ATRNL1: variants seen among roughly 807,000 people sequenced by gnomAD.
The protein encoded by ATRNL1 is attractin-like protein 1.
In ATRNL1, 95 loss-of-function variants were observed where a neutral mutation model predicts 182.7. The observed-to-expected ratio is 0.52, with a 90% CI of 0.44 to 0.62. The LOEUF (loss-of-function observed/expected upper bound fraction) is 0.62, where lower values mean the gene tolerates loss of function less well. Among genes scored for constraint, ATRNL1 ranks in the 20% least tolerant of loss-of-function variants. ATRNL1 has a pLI of 0.00. For missense variants in ATRNL1, 1,471 were observed against 1,679.5 expected (o/e 0.88, Z 2.17); for synonymous variants, 576 against 568.3 (o/e 1.01, Z -0.19).
intron 26 of ATRNL1, among the ~76,000 whole-genome samples, chr10:115,686,364 C>A (rs1946220129): frequency 6.6e-6 from 1 of 151,972 alleles, no homozygotes; most frequent in African/African-American, 2.4e-5. Flanking sequence ...CTCACCATTT[C>A]TTGAGCTACA....
intron 20 of ATRNL1, among the ~76,000 whole-genome samples, chr10:115,418,915 C>T (rs535120068): frequency 1.4e-4 from 21 of 152,070 alleles, no homozygotes; most frequent in Non-Finnish European, 2.5e-4. Context: ...GAATTAATGG[C>T]CACCAGACCA....
chr10:115,162,765 A>G (rs960175923), intron 6 of ATRNL1, among the ~76,000 whole-genome samples: 5 of 151,228 alleles, frequency 3.3e-5, no homozygotes, highest in Non-Finnish European at 5.9e-5. Flanking sequence ...AGGGGAAGCC[A>G]TCAAAGGAGA....
At chr10:115,529,507 CT>C in intron 25 of ATRNL1, among the ~76,000 whole-genome samples, 1 of 104,002 alleles carries the variant, frequency 9.6e-6, no homozygotes, top group Non-Finnish European at 2.6e-5. Flanking sequence ...GAATGAGCTT[CT>C]TATTAATTGA....
chr10:115,940,760 C>A (rs1039303783), intron 28 of ATRNL1, among the ~76,000 whole-genome samples: 44 of 151,750 alleles, frequency 2.9e-4, no homozygotes, highest in African/African-American at 9.7e-4. Context: ...AAGATAGGGG[C>A]TTTGTCTCTT....
intron 26 of ATRNL1, among the ~76,000 whole-genome samples, chr10:115,560,027 A>T (rs182055152): frequency 6.6e-6 from 1 of 152,340 alleles, no homozygotes; most frequent in Admixed American, 6.5e-5. Flanking sequence ...CTAATACACA[A>T]TTTTAGCAAG....
intron 5 of ATRNL1, among the ~76,000 whole-genome samples, chr10:115,153,569 AT>A (rs1846352521): frequency 6.6e-6 from 1 of 152,022 alleles, no homozygotes; most frequent in Non-Finnish European, 1.5e-5. Flanking sequence ...CCCCTTTATC[AT>A]TTTTTATTGC....
At chr10:115,449,770 G>A (rs782720100) in intron 21 of ATRNL1, among the ~76,000 whole-genome samples, 1 of 152,176 alleles carries the variant, frequency 6.6e-6, no homozygotes, top group Non-Finnish European at 1.5e-5. Flanking sequence ...TGAGACCCAT[G>A]AAGGGTCAGG....
At chr10:115,877,139 G>A (rs375344853) in intron 28 of ATRNL1, among the ~76,000 whole-genome samples, 2 of 152,172 alleles carry the variant, frequency 1.3e-5, no homozygotes, top group East Asian at 3.8e-4. Context: ...TTAGAAGCAC[G>A]AGAACAAAAT....
At position 115,944,760 on chromosome 10, in the gene ATRNL1, G is replaced by C; in HGVS notation, c.4121G>C (p.Arg1374Pro). The change falls in exon 29 of 29, where the codon CGT (arginine) becomes CCT (proline). Residue 1374 changes from arginine to proline, a missense_variant. Around this residue, in one of 3 missense-constraint regions of ATRNL1, gnomAD observed 437 missense variants for 506.0 expected, o/e 0.86. Coordinates refer to ENST00000355044, the MANE Select transcript of ATRNL1 (RefSeq NM_207303.4). ...GVRNRKHLST[R>P]QGTCV ...CGGAATCGAAAACACCTTTCAACAC[G>C]TCAAGGAACTTGTGTCTGAGAAATG... The C allele has an allele frequency of 6.2e-7, 1 of 1,613,214 alleles. No homozygotes were observed. Among genetic ancestry groups the C allele is most frequent in the Non-Finnish European group, 8.5e-7 (1 of 1,179,498 alleles).
intron 14 of ATRNL1, among the ~76,000 whole-genome samples, chr10:115,283,513 C>T (rs1301899896): frequency 1.3e-5 from 2 of 152,026 alleles, no homozygotes; most frequent in East Asian, 1.9e-4. Flanking sequence ...TTAAACAGTG[C>T]GATGTGCATG....
intron 28 of ATRNL1, among the ~76,000 whole-genome samples, chr10:115,869,562 C>T (rs1474963325): frequency 6.6e-6 from 1 of 152,008 alleles, no homozygotes; most frequent in East Asian, 1.9e-4. Context: ...TGTTCATTTC[C>T]ACTCATCTCC....
chr10:115,713,700 TCTATCATCTATCTATC>T (rs201135655), intron 26 of ATRNL1, among the ~76,000 whole-genome samples: 37 of 130,630 alleles, frequency 2.8e-4, no homozygotes, highest in East Asian at 1.0e-3. Context: ...TATCTATCTA[TCTATCATCTATCTATC>T]TATCTATCTA....
chr10:115,263,631 T>C (rs1360246979), intron 10 of ATRNL1, among the ~76,000 whole-genome samples: 5 of 151,802 alleles, frequency 3.3e-5, no homozygotes, highest in Non-Finnish European at 7.4e-5. Flanking sequence ...TTTGGAACTT[T>C]TATGTGTACT....
At chr10:115,360,110 G>A (rs187608454) in intron 19 of ATRNL1, among the ~76,000 whole-genome samples, 46 of 151,272 alleles carry the variant, frequency 3.0e-4, no homozygotes, top group African/African-American at 1.1e-3. Flanking sequence ...TGGAATAATC[G>A]TTTATTTCAT....
chr10:115,153,786 C>T (rs1318244192), intron 5 of ATRNL1, among the ~76,000 whole-genome samples: 2 of 151,966 alleles, frequency 1.3e-5, no homozygotes, highest in African/African-American at 4.8e-5. Flanking sequence ...GCTCTTGCTT[C>T]TCTAGTTCTT....
rs180713584 is a variant in ATRNL1, at chr10:115,175,974, G to C, written c.1348+4682G>C. Among the ~76,000 whole-genome samples the C allele has an allele frequency of 8.6e-3, 1,315 of 152,220 alleles. 18 individuals carry two copies. The highest frequency in any genetic ancestry group is 0.028 in the African/African-American group (1,170 of 41,538). On this transcript the variant is annotated intron_variant, in intron 8 of 28. Coordinates refer to ENST00000355044, the MANE Select transcript of ATRNL1 (RefSeq NM_207303.4). Reference sequence around the variant, plus strand: ...CTCCACATCCTCTCCAGCACCTGTTGTTTCCTGACTTTTTAATGATCGCCA... The same window carrying C: ...CTCCACATCCTCTCCAGCACCTGTTCTTTCCTGACTTTTTAATGATCGCCA...
At chr10:115,455,821 CAAAGG>C (rs1554968597) in intron 21 of ATRNL1, among the ~76,000 whole-genome samples, 1 of 152,014 alleles carries the variant, frequency 6.6e-6, no homozygotes, top group African/African-American at 2.4e-5. Context: ...AAAAAGTGGG[CAAAGG>C]ATATGAACAG....
rs534203952 is a variant in ATRNL1, at chr10:115,235,255, A to G, written c.1533-6316A>G. Among the ~76,000 whole-genome samples the G allele has an allele frequency of 6.6e-5, 10 of 152,278 alleles. No individual in the cohort carries two copies. The East Asian group carries it at 1.9e-3, about 29-fold the overall frequency. On this transcript the variant is annotated intron_variant, in intron 9 of 28. Coordinates refer to ENST00000355044, the MANE Select transcript of ATRNL1 (RefSeq NM_207303.4). Reference sequence around the variant, plus strand: ...TTATTGAGATAAAAGTCATAACATAAACTTCTTAATTTTGATCATTTAAAA... The same window carrying G: ...TTATTGAGATAAAAGTCATAACATAGACTTCTTAATTTTGATCATTTAAAA...
At chr10:115,508,301 C>A (rs1163776990) in intron 24 of ATRNL1, among the ~76,000 whole-genome samples, 2 of 151,936 alleles carry the variant, frequency 1.3e-5, no homozygotes, top group African/African-American at 4.8e-5. Context: ...TCTCCTTAGG[C>A]CTCCTTTTCA....
Sources: allele counts gnomAD v4.1 joint callset (sites outside exome capture counted in the v4.1 genomes callset), GRCh38; gene constraint gnomAD v4.1.1; regional missense constraint gnomAD v4.1.1; transcripts MANE v1.5; gene names NCBI Gene and HGNC (gene_info 2026-07-23, HGNC 2026-07-21).